Variants in C8orf34 observed in about 807,000 individuals in gnomAD.
C8orf34 encodes uncharacterized protein C8orf34.
A neutral mutation model predicts 68.3 loss-of-function variants in C8orf34; 65 were observed. The observed-to-expected ratio is 0.95, with a 90% confidence interval of 0.78 to 1.17. C8orf34 has a LOEUF of 1.17. Among genes scored for constraint, C8orf34 ranks in the 50% most tolerant of loss-of-function variants. The pLI is 0.00. For missense variants in C8orf34, 664 were observed against 655.4 expected, an observed-to-expected ratio of 1.01 and a Z score of -0.14; for synonymous variants, 244 against 241.2, an observed-to-expected ratio of 1.01 and a Z score of -0.11.
At chr8:68,434,735 T>G (rs1810585178) in intron 1 of C8orf34, among the ~76,000 whole-genome samples, 1 of 152,084 alleles carries the variant, frequency 6.6e-6, no homozygotes, top group South Asian at 2.1e-4. Context: ...AGATTCTAGT[T>G]GATAAAAAAC....
At chr8:68,774,966 A>AAAAAAAAAAAAAAAAAAAAAAAAAAAAAG in intron 10 of C8orf34, among the ~76,000 whole-genome samples, 1 of 148,856 alleles carries the variant, frequency 6.7e-6, no homozygotes, top group Non-Finnish European at 1.5e-5. Flanking sequence ...AAAAAAAAAA[A>AAAAAAAAAAAAAAAAAAAAAAAAAAAAAG]ATTAGCTGGG....
At chr8:68,623,889 G>A (rs1474018641) in intron 7 of C8orf34, among the ~76,000 whole-genome samples, 1 of 152,074 alleles carries the variant, frequency 6.6e-6, no homozygotes, top group Non-Finnish European at 1.5e-5. Flanking sequence ...TCTGAATTTT[G>A]GTAGGGACAG....
intron 7 of C8orf34, among the ~76,000 whole-genome samples, chr8:68,588,202 A>C (rs1817264955): frequency 6.6e-6 from 1 of 152,086 alleles, no homozygotes; most frequent in Non-Finnish European, 1.5e-5. Context: ...GAACCTGTGT[A>C]TTTATCTGAA....
chr8:68,644,525 AG>A (rs1563581952), intron 8 of C8orf34, among the ~76,000 whole-genome samples: 1 of 152,200 alleles, frequency 6.6e-6, no homozygotes, highest in Non-Finnish European at 1.5e-5. Flanking sequence ...TAGTGCCTTC[AG>A]CTCAAAGTAA....
chr8:68,625,781 C>A (rs1157638944), intron 7 of C8orf34: 1 of 473,282 alleles, frequency 2.1e-6, no homozygotes, highest in Non-Finnish European at 3.7e-6. Context: ...GAATTTGTCT[C>A]CAAATTTGAT....
rs148649474 is a variant in C8orf34 at position 68,533,205 on chromosome 8, G to T, written c.1105+56G>T. On this transcript the variant is annotated intron_variant, in intron 7 of 13. Coordinates refer to ENST00000518698, the MANE Select transcript of C8orf34 (RefSeq NM_052958.4). ...TCTTCTTTGACATTGTAAAAAAAAC[G>T]TGTGGTGATTAAGAGATTTTAAAAG... 96 of 1,529,362 alleles carry T rather than the reference G, an allele frequency of 6.3e-5. No homozygotes were observed. The East Asian group carries it at 1.6e-3, about 25-fold the overall frequency. The allele number at this position is 1,529,362 out of a possible 1,614,324, so 94.7% of individuals were successfully genotyped here.
chr8:68,398,395 A>G (rs1808807217), intron 1 of C8orf34, among the ~76,000 whole-genome samples: 1 of 152,154 alleles, frequency 6.6e-6, no homozygotes, highest in Admixed American at 6.6e-5. Flanking sequence ...TCATAGGTTG[A>G]TTTACATAAG....
intron 8 of C8orf34, among the ~76,000 whole-genome samples, chr8:68,684,274 A>G (rs932891771): frequency 6.6e-6 from 1 of 152,136 alleles, no homozygotes; most frequent in Non-Finnish European, 1.5e-5. Context: ...AACATGAAGC[A>G]CAGGATCCCC....
At chr8:68,688,004 A>C (rs1820572005) in intron 8 of C8orf34, among the ~76,000 whole-genome samples, 1 of 152,178 alleles carries the variant, frequency 6.6e-6, no homozygotes, top group Non-Finnish European at 1.5e-5. Flanking sequence ...GAAGATACAC[A>C]CTTGGGCAAC....
At chr8:68,416,060 A>G (rs755515894) in intron 1 of C8orf34, among the ~76,000 whole-genome samples, 1 of 152,214 alleles carries the variant, frequency 6.6e-6, no homozygotes, top group African/African-American at 2.4e-5. Context: ...ACCTAGGACT[A>G]TGCGTCATAG....
intron 7 of C8orf34, among the ~76,000 whole-genome samples, chr8:68,574,198 T>C (rs570591395): frequency 4.1e-4 from 63 of 152,220 alleles, no homozygotes; most frequent in African/African-American, 1.4e-3. Context: ...TGTATACATA[T>C]GTAAGTATTA....
intron 1 of C8orf34, among the ~76,000 whole-genome samples, chr8:68,427,266 C>T (rs1026314855): frequency 1.3e-5 from 2 of 151,950 alleles, no homozygotes; most frequent in African/African-American, 4.8e-5. Context: ...ATTCATAATA[C>T]TAAAAACAGA....
At chr8:68,575,606 A>G (rs1816878771) in intron 7 of C8orf34, among the ~76,000 whole-genome samples, 1 of 152,058 alleles carries the variant, frequency 6.6e-6, no homozygotes, top group Admixed American at 6.6e-5. Context: ...AAGGGTGTAT[A>G]ATCTCTACAG....
intron 1 of C8orf34, among the ~76,000 whole-genome samples, chr8:68,422,943 C>T (rs1810044261): frequency 2.0e-5 from 3 of 152,156 alleles, no homozygotes; most frequent in Admixed American, 1.3e-4. Flanking sequence ...TACCTTGGCC[C>T]CTTTTAGCCG....
At chr8:68,786,910 G>A (rs978820915) in intron 11 of C8orf34, among the ~76,000 whole-genome samples, 1 of 152,188 alleles carries the variant, frequency 6.6e-6, no homozygotes, top group Non-Finnish European at 1.5e-5. Context: ...GGGAGATAAT[G>A]AGGGTCTGCT....
chr8:68,382,571 T>A (rs1351291544), intron 1 of C8orf34, among the ~76,000 whole-genome samples: 1 of 152,180 alleles, frequency 6.6e-6, no homozygotes, highest in Non-Finnish European at 1.5e-5. Context: ...CATTTCTATT[T>A]CCCATCATTC....
At chr8:68,599,290 T>G (rs1817630659) in intron 7 of C8orf34, among the ~76,000 whole-genome samples, 1 of 152,088 alleles carries the variant, frequency 6.6e-6, no homozygotes, top group South Asian at 2.1e-4. Flanking sequence ...TGTCAAGATT[T>G]CAATATAGTT....
At chr8:68,508,198 A>G (rs1282571235) in intron 5 of C8orf34, among the ~76,000 whole-genome samples, 1 of 152,224 alleles carries the variant, frequency 6.6e-6, no homozygotes, top group Non-Finnish European at 1.5e-5. Flanking sequence ...CACTCATCAT[A>G]TGTAGCTAAA....
In C8orf34 at chr8:68,622,743, G is replaced by T. The variant is rs546978806; in HGVS notation, c.1106-17633G>T. Among the ~76,000 whole-genome samples, 113 of 152,182 alleles carry T rather than the reference G, an allele frequency of 7.4e-4. 4 individuals carry two copies. In the South Asian group the frequency reaches 0.011, roughly 14 times the overall value. The stretch of plus-strand genomic sequence containing the variant: ...ATGAAACTGAAGTTAGGAAAGTTGA[G>T]AGAACAAAAAAATAAAAAAGATGAG... On this transcript the variant is annotated intron_variant, in intron 7 of 13. Transcript: ENST00000518698.
Sources: allele counts gnomAD v4.1 joint callset (sites outside exome capture counted in the v4.1 genomes callset), GRCh38; gene constraint gnomAD v4.1.1; transcripts MANE v1.5; gene names NCBI Gene and HGNC (gene_info 2026-07-23, HGNC 2026-07-21).